Variants in IL4R observed in about 807,000 individuals in gnomAD.
IL4R encodes the protein interleukin-4 receptor subunit alpha.
In IL4R, 17 loss-of-function variants were observed where a neutral mutation model predicts 41.5. The ratio of observed to expected loss-of-function variants is 0.41; its 90% CI spans 0.28 to 0.61. The LOEUF (loss-of-function observed/expected upper bound fraction) is 0.61, where lower values mean the gene tolerates loss of function less well. IL4R is among the 20% of genes least tolerant of loss of function. The pLI is 0.31. For synonymous variants in IL4R, 402 were observed against 422.9 expected (o/e 0.95, Z 0.61); for missense variants, 974 against 1,043.1 (o/e 0.93, Z 0.91).
Position 27,362,767 on chromosome 16 carries a change from C to T in IL4R, c.1415C>T (p.Pro472Leu), listed in dbSNP as rs745413765. The change falls in exon 11 of 11, where the codon CCT (proline) becomes CTT (leucine). Residue 472 changes from proline (P) to leucine (L), a missense_variant. This residue lies in a region of IL4R where 682 missense variants were observed against 704.3 expected (regional missense o/e 0.97). Coordinates refer to ENST00000395762, the MANE Select transcript of IL4R (RefSeq NM_000418.4). ...EQPLHLEPSP[P>L]ASPTQSPDNL... Reference sequence around the variant, plus strand: ...CCTCTCCACCTGGAGCCAAGTCCTCCTGCCAGCCCGACCCAGAGTCCAGAC... The same window carrying T: ...CCTCTCCACCTGGAGCCAAGTCCTCTTGCCAGCCCGACCCAGAGTCCAGAC... The T allele has an allele frequency of 3.1e-6, 5 of 1,614,022 alleles. No individual in the cohort carries two copies. In the South Asian group the frequency reaches 4.4e-5, roughly 14 times the overall value.
At position 27,345,358 on chromosome 16, in the gene IL4R, T is replaced by C; in HGVS notation, c.361+338T>C. 7.2e-6 allele frequency: 3 copies of C among 416,390 alleles called. No homozygotes were observed. Among genetic ancestry groups the C allele is most frequent in the South Asian group, 5.6e-5 (3 of 53,320 alleles). The allele number at this position is 416,390 out of a possible 1,614,324, so 25.8% of individuals were successfully genotyped here. A position where few individuals can be genotyped will look rare whatever the true frequency, so the allele number is the denominator to read the frequency against. ...CGAACTGGGAACATTCCTTCCATTCTGTGTCCACTGGTCAGCTGCTGCGGC... is the reference window on the plus strand; with the variant it reads ...CGAACTGGGAACATTCCTTCCATTCCGTGTCCACTGGTCAGCTGCTGCGGC... On this transcript the variant is annotated intron_variant, in intron 5 of 10. Coordinates refer to ENST00000395762, the MANE Select transcript of IL4R (RefSeq NM_000418.4). This position sits in a 1 kb window ranked among gnomAD's most constrained non-coding sequence, Gnocchi z 4.5.
chr16:27,334,354 A>C (rs2141105600), intron 2 of IL4R: 1 of 152,322 alleles, frequency 6.6e-6, no homozygotes, highest in Non-Finnish European at 1.5e-5. Flanking sequence ...ATCTCTCCTG[A>C]AATGTAGCAC....
At chr16:27,325,075 G>A (rs975361099) in intron 1 of IL4R, among the ~76,000 whole-genome samples, 5 of 152,166 alleles carry the variant, frequency 3.3e-5, no homozygotes, top group African/African-American at 9.6e-5. Flanking sequence ...TAGAGACAGA[G>A]TTTGAGTCTA....
chr16:27,340,945 T>G, intron 3 of IL4R: 1 of 406,806 alleles, frequency 2.5e-6, no homozygotes, highest in Non-Finnish European at 4.8e-6. Context: ...CAGGAGGGAA[T>G]GTGGTGGAGG....
At chr16:27,340,369 G>T in intron 3 of IL4R, 96 bp downstream of exon 3, 1 of 866,954 alleles carries the variant, frequency 1.2e-6, no homozygotes, top group Non-Finnish European at 1.9e-6. Flanking sequence ...TTACACTGCA[G>T]TGGGAGGGGA....
intron 9 of IL4R, among the ~76,000 whole-genome samples, chr16:27,360,012 CT>C (rs367917837): frequency 0.013 from 1,863 of 138,736 alleles, 37 homozygotes; most frequent in African/African-American, 0.042. Flanking sequence ...TGACAGTTGG[CT>C]TTTTTTTTTT....
chr16:27,355,266 G>A (rs544754643), intron 7 of IL4R: 5 of 284,342 alleles, frequency 1.8e-5, no homozygotes, highest in East Asian at 8.7e-5. Flanking sequence ...GGAGGGTGTC[G>A]GGGAAAACTT....
intron 1 of IL4R, 47 bp downstream of exon 1, chr16:27,314,067 C>G: frequency 1.0e-6 from 1 of 984,956 alleles, no homozygotes; most frequent in Non-Finnish European, 1.2e-6. Flanking sequence ...AGGTATCGCC[C>G]GGGCACGCCG....
chr16:27,362,877 T>A lies in IL4R; in HGVS notation c.1525T>A (p.Cys509Ser), dbSNP rs2086351964. ...SFSNSLSQSP[C>S]PRELGPDPLL... ...CAGCAACTCCCTGAGCCAGTCACCG[T>A]GTCCCAGAGAGCTGGGTCCAGACCC... The change falls in exon 11 of 11, where the codon TGT becomes AGT. Residue 509 changes from cysteine to serine, a missense_variant. Physicochemically the swap from Cys to Ser is moderately radical, Grantham distance 112 (BLOSUM62 -1). Coordinates refer to ENST00000395762, the MANE Select transcript of IL4R (RefSeq NM_000418.4). 6.2e-7 allele frequency: 1 copy of A among 1,614,144 alleles called. No individual in the cohort carries two copies. The highest frequency in any genetic ancestry group is 1.6e-4 in the Middle Eastern group (1 of 6,062).
chr16:27,350,037 C>T (rs2085807218), intron 6 of IL4R, among the ~76,000 whole-genome samples: 1 of 152,174 alleles, frequency 6.6e-6, no homozygotes, highest in South Asian at 2.1e-4. Context: ...AGGCTTGAGC[C>T]ACCGCATCCA....
chr16:27,334,663 T>C (rs2085204907), intron 2 of IL4R, among the ~76,000 whole-genome samples: 1 of 152,060 alleles, frequency 6.6e-6, no homozygotes. Flanking sequence ...ATCTGTGTAG[T>C]TGTGAGAGTA....
chr16:27,326,050 C>T (rs894929420), intron 1 of IL4R, among the ~76,000 whole-genome samples: 1 of 152,126 alleles, frequency 6.6e-6, no homozygotes, highest in Admixed American at 6.6e-5. Flanking sequence ...ATCTAGAATT[C>T]AGCCCCTTCT....
At chr16:27,316,421 C>T (rs2084653338) in intron 1 of IL4R, among the ~76,000 whole-genome samples, 1 of 152,136 alleles carries the variant, frequency 6.6e-6, no homozygotes, top group African/African-American at 2.4e-5. Context: ...TTCTACCTCC[C>T]CCATCTCCCT....
At chr16:27,325,467 G>A (rs1425772486) in intron 1 of IL4R, among the ~76,000 whole-genome samples, 3 of 151,782 alleles carry the variant, frequency 2.0e-5, no homozygotes, top group African/African-American at 4.8e-5. Flanking sequence ...CCAGCTACTC[G>A]GGAGACTGAG....
chr16:27,314,635 T>G (rs779264580), intron 1 of IL4R, among the ~76,000 whole-genome samples: 9 of 152,122 alleles, frequency 5.9e-5, no homozygotes, highest in Non-Finnish European at 1.2e-4. Context: ...CTTTAGTAAC[T>G]TGCCCTAAGG....
Position 27,363,572 on chromosome 16 carries a change from C to T in IL4R, c.2220C>T (p.Ala740=). ...ATGGTGGCCAGACCCCTGTCATGGC[C>T]AGTCCTTGCTGTGGCTGCTGCTGTG... ...QEDGGQTPVM[A]SPCCGCCCGD... The change falls in exon 11 of 11, where the codon GCC becomes GCT. Residue 740 remains alanine, a synonymous_variant. Transcript: ENST00000395762. 6.2e-7 allele frequency: 1 copy of T among 1,614,168 alleles called. No homozygotes were observed. The highest frequency in any genetic ancestry group is 1.1e-5 in the South Asian group (1 of 91,082).
intron 2 of IL4R, among the ~76,000 whole-genome samples, chr16:27,332,113 G>A (rs2085126437): frequency 6.6e-6 from 1 of 151,892 alleles, no homozygotes; most frequent in African/African-American, 2.4e-5. Context: ...CAGTAGCTGG[G>A]GCTACAGGCA....
chr16:27,339,003 C>T (rs996546610), intron 2 of IL4R, among the ~76,000 whole-genome samples: 2 of 151,828 alleles, frequency 1.3e-5, no homozygotes, highest in Admixed American at 1.3e-4. Context: ...TACAGGTGCC[C>T]GCCACCACAC....
At chr16:27,340,481 A>C (rs1275929984) in intron 3 of IL4R, among the ~76,000 whole-genome samples, 1 of 152,076 alleles carries the variant, frequency 6.6e-6, no homozygotes, top group Non-Finnish European at 1.5e-5. Flanking sequence ...CCAGCACTTC[A>C]GGAGGCCGAG....
Sources: gnomAD v4.1 joint callset for allele counts (sites outside exome capture counted in the v4.1 genomes callset) on GRCh38, gnomAD v4.1.1 for gene constraint, gnomAD v4.1.1 regional missense constraint, Gnocchi (gnomAD v3.1) non-coding constraint, MANE v1.5 for transcripts, NCBI Gene and HGNC (gene_info 2026-07-23, HGNC 2026-07-21) for gene names.